Variants in GLIS2 observed in about 807,000 individuals in gnomAD.
GLIS2 encodes zinc finger protein GLIS2.
In GLIS2, 14 loss-of-function variants were observed where a neutral mutation model predicts 35.6. The ratio of observed to expected loss-of-function variants is 0.39; its 90% CI spans 0.26 to 0.61. The LOEUF (loss-of-function observed/expected upper bound fraction) is 0.61. Among genes scored for constraint, GLIS2 ranks in the 20% least tolerant of loss-of-function variants. The probability of loss-of-function intolerance (pLI) is 0.48; values close to 1 mark genes in which losing one functional copy is unlikely to be tolerated. For missense variants in GLIS2, 675 were observed against 713.4 expected (o/e 0.95, Z 0.61); for synonymous variants, 368 against 325.1 (o/e 1.13, Z -1.42).
intron 1 of GLIS2, among the ~76,000 whole-genome samples, chr16:4,321,302 A>AG (rs2053377035): frequency 6.6e-6 from 1 of 152,106 alleles, no homozygotes; most frequent in African/African-American, 2.4e-5. Flanking sequence ...AGGGAGAAAG[A>AG]GGCATCTATG....
At chr16:4,329,982 G>A (rs2053481409) in intron 1 of GLIS2, among the ~76,000 whole-genome samples, 2 of 152,154 alleles carry the variant, frequency 1.3e-5, no homozygotes, top group Non-Finnish European at 2.9e-5. Flanking sequence ...TGCATGTGAG[G>A]AAAATTACAC....
chr16:4,317,591 G>A (rs538501218), intron 1 of GLIS2, among the ~76,000 whole-genome samples: 9 of 152,218 alleles, frequency 5.9e-5, no homozygotes, highest in African/African-American at 2.2e-4. Context: ...GGGTGACCTC[G>A]GACCTCCCCC....
intron 1 of GLIS2, among the ~76,000 whole-genome samples, chr16:4,324,380 C>T (rs2053408742): frequency 6.6e-6 from 1 of 152,348 alleles, no homozygotes. Context: ...TCAGGCCTTC[C>T]CGGGGCCTTG....
chr16:4,336,222 C>G (rs1250446837), intron 6 of GLIS2: 2 of 271,776 alleles, frequency 7.4e-6, no homozygotes, highest in East Asian at 1.8e-4. Context: ...TCTTGGCCCA[C>G]TGCAACCTCT....
intron 1 of GLIS2, among the ~76,000 whole-genome samples, chr16:4,327,708 T>G (rs809191): frequency 1 from 150,085 of 150,096 alleles, 75,037 homozygotes; most frequent in Middle Eastern, 1. Flanking sequence ...CGCCCTGCGG[T>G]GGGTGGGAAG....
At position 4,335,493 on chromosome 16, in the gene GLIS2, G is replaced by T; in HGVS notation, c.775+100G>T. The T allele has an allele frequency of 2.8e-6, 3 of 1,052,958 alleles. No individual in the cohort carries two copies. In the South Asian group the frequency reaches 3.9e-5, roughly 14 times the overall value. 65.2% of individuals were successfully genotyped at this position (1,052,958 alleles called of 1,614,324 possible). ...GGGAGGGGACTGTTAAGTAAATCCC[G>T]GGCCTCAGAGATAAGGGTTGATGTC... On this transcript the variant is annotated intron_variant, in intron 6 of 6. Transcript: ENST00000433375. The surrounding 1 kb of genome is among the most constrained non-coding windows in gnomAD (Gnocchi z 4.6).
intron 1 of GLIS2, among the ~76,000 whole-genome samples, chr16:4,316,743 G>A (rs1333679209): frequency 6.6e-6 from 1 of 152,118 alleles, no homozygotes; most frequent in Non-Finnish European, 1.5e-5. Flanking sequence ...GCTGCCCCTC[G>A]CAAGCCCGGG....
Position 4,335,296 on chromosome 16 carries a change from C to G in GLIS2, c.678C>G (p.Ile226Met). The G allele has an allele frequency of 6.2e-7, 1 of 1,613,862 alleles. No individual in the cohort carries two copies. Among genetic ancestry groups the G allele is most frequent in the South Asian group, 1.1e-5 (1 of 91,084 alleles). ...GCAGGTACAAGATGCTCATCCACATCCGCACACACACCAACGAGAAGCCAC... is the reference window on the plus strand; with the variant it reads ...GCAGGTACAAGATGCTCATCCACATGCGCACACACACCAACGAGAAGCCAC... Reference protein sequence around the residue: ...FNARYKMLIHIRTHTNEKPHR... With the variant: ...FNARYKMLIHMRTHTNEKPHR... The change falls in exon 6 of 7, where the codon ATC (isoleucine) becomes ATG (methionine). Residue 226 changes from isoleucine (I) to methionine (M), a missense_variant. Around this residue, in one of 3 missense-constraint regions of GLIS2, gnomAD observed 133 missense variants for 191.4 expected, o/e 0.69. Transcript: ENST00000433375. The surrounding 1 kb of genome is among the most constrained non-coding windows in gnomAD (Gnocchi z 4.6).
chr16:4,327,644 T>C (rs1241610300), intron 1 of GLIS2, among the ~76,000 whole-genome samples: 1 of 151,954 alleles, frequency 6.6e-6, no homozygotes, highest in African/African-American at 2.4e-5. Context: ...ATAGCAGCCA[T>C]TGTCTCGGCC....
At chr16:4,324,700 T>C (rs990810025) in intron 1 of GLIS2, 1 of 152,312 alleles carries the variant, frequency 6.6e-6, no homozygotes, top group Non-Finnish European at 1.5e-5. Context: ...CAGGCACTGT[T>C]CTCCGTGCTG....
intron 3 of GLIS2, among the ~76,000 whole-genome samples, chr16:4,334,517 C>G (rs927629016): frequency 4.6e-5 from 7 of 151,868 alleles, no homozygotes; most frequent in African/African-American, 7.3e-5. Context: ...AGATTACAGG[C>G]GTGAGCCACC....
Position 4,337,129 on chromosome 16 carries a change from G to A in GLIS2, c.1180G>A (p.Gly394Ser), listed in dbSNP as rs775114398. The A allele has an allele frequency of 2.3e-4, 358 of 1,536,432 alleles. No individual in the cohort carries two copies. Among genetic ancestry groups the A allele is most frequent in the Admixed American group, 2.2e-4 (11 of 50,990 alleles). Residue 394 changes from glycine (G) to serine (S), a missense_variant, in exon 7 of 7, where the codon GGT becomes AGT. By Grantham distance (56) the Gly-to-Ser change is moderately conservative (BLOSUM62 0). This residue lies in a region of GLIS2 where 317 missense variants were observed against 283.2 expected (regional missense o/e 1.12). Transcript: ENST00000433375. ...LACGNGGGSG[G>S]GGGMGPGLPG... is the part of the protein sequence containing the mutation. ...CTGTGGCAACGGTGGGGGCAGTGGGGGTGGGGGGGGCATGGGCCCTGGGCT... is the reference window on the plus strand; with the variant it reads ...CTGTGGCAACGGTGGGGGCAGTGGGAGTGGGGGGGGCATGGGCCCTGGGCT...
Position 4,320,163 on chromosome 16 carries a change from C to A in GLIS2, c.-67+3909C>A, listed in dbSNP as rs1442140835. Among the ~76,000 whole-genome samples the A allele has an allele frequency of 6.6e-6, 1 of 152,150 alleles. No homozygotes were observed. Among genetic ancestry groups the A allele is most frequent in the Non-Finnish European group, 1.5e-5 (1 of 68,008 alleles). On this transcript the variant is annotated intron_variant, in intron 1 of 6. Coordinates refer to ENST00000433375, the MANE Select transcript of GLIS2 (RefSeq NM_032575.3). This position sits in a 1 kb window ranked among gnomAD's most constrained non-coding sequence, Gnocchi z 5.6. ...AGTGTCACATGTGCGTGCACACGGACTCCAGCCTTGGCAGATGGCTGCCGG... is the reference window on the plus strand; with the variant it reads ...AGTGTCACATGTGCGTGCACACGGAATCCAGCCTTGGCAGATGGCTGCCGG...
intron 1 of GLIS2, among the ~76,000 whole-genome samples, chr16:4,318,265 G>A (rs2053336996): frequency 6.6e-6 from 1 of 152,136 alleles, no homozygotes; most frequent in South Asian, 2.1e-4. Context: ...AGTGGTCCTT[G>A]GGTCAGACTC....
intron 3 of GLIS2, among the ~76,000 whole-genome samples, chr16:4,334,569 T>G (rs1345085921): frequency 2.0e-5 from 3 of 151,592 alleles, no homozygotes; most frequent in Non-Finnish European, 4.4e-5. Context: ...AAATAAAAAT[T>G]TAAAACACAC....
Position 4,333,385 on chromosome 16 carries a change from G to A in GLIS2, c.211G>A (p.Gly71Arg). ...CTCCAAGTTCCCCGAGAAGGTGGAG[G>A]GACGCTTTTCAGCAGCCCCTCTCGT... ...LNSKFPEKVEGRFSAAPLVDL... is the reference protein window; with the variant it reads ...LNSKFPEKVERRFSAAPLVDL... The change falls in exon 3 of 7, where the codon GGA becomes AGA. Residue 71 changes from glycine to arginine, a missense_variant. Gly to Arg is a moderately radical substitution (Grantham distance 125). Coordinates refer to ENST00000433375, the MANE Select transcript of GLIS2 (RefSeq NM_032575.3). 1 of 1,612,988 alleles carries A rather than the reference G, an allele frequency of 6.2e-7. No homozygotes were observed. Among genetic ancestry groups the A allele is most frequent in the Non-Finnish European group, 8.5e-7 (1 of 1,179,992 alleles).
chr16:4,322,800 C>G (rs2053392215), intron 1 of GLIS2, among the ~76,000 whole-genome samples: 1 of 152,252 alleles, frequency 6.6e-6, no homozygotes, highest in Non-Finnish European at 1.5e-5. Context: ...TTGGCGGGTG[C>G]CGTTCCCAGT....
Position 4,331,257 on chromosome 16 carries a change from G to C in GLIS2, c.-66-958G>C, listed in dbSNP as rs373092855. On this transcript the variant is annotated intron_variant, in intron 1 of 6. Coordinates refer to ENST00000433375, the MANE Select transcript of GLIS2 (RefSeq NM_032575.3). ...GGCCTCCCAAAGTGCTGGGATTACAGGTGTGAGTTACTGCGCCCGGCCACA... is the reference window on the plus strand; with the variant it reads ...GGCCTCCCAAAGTGCTGGGATTACACGTGTGAGTTACTGCGCCCGGCCACA... Among the ~76,000 whole-genome samples the C allele has an allele frequency of 1.7e-3, 257 of 152,300 alleles. 14 individuals are homozygous for C. In the South Asian group the frequency reaches 0.051, roughly 30 times the overall value.
chr16:4,337,982 C>G lies in GLIS2; in HGVS notation c.*458C>G. The G allele has an allele frequency of 7.5e-6, 2 of 267,570 alleles. No homozygotes were observed. The highest frequency in any genetic ancestry group is 7.3e-6 in the Non-Finnish European group (1 of 136,714). The allele number at this position is 267,570 out of a possible 1,614,324, so 16.6% of individuals were successfully genotyped here. A position where few individuals can be genotyped will look rare whatever the true frequency, so the allele number is the denominator to read the frequency against. ...CCCCAGGGACCAGAGGCCTGCCCTT[C>G]CCTCCTAGGCTTACCCAGCCCCTGC... On this transcript the variant is annotated 3_prime_UTR_variant, in exon 7 of 7. Coordinates refer to ENST00000433375, the MANE Select transcript of GLIS2 (RefSeq NM_032575.3).
Sources: allele counts gnomAD v4.1 joint callset (sites outside exome capture counted in the v4.1 genomes callset), GRCh38; gene constraint gnomAD v4.1.1; regional missense constraint gnomAD v4.1.1; non-coding constraint Gnocchi (gnomAD v3.1); transcripts MANE v1.5; gene names NCBI Gene and HGNC (gene_info 2026-07-23, HGNC 2026-07-21).